PLA2G5: variants seen among roughly 807,000 people sequenced by gnomAD.
PLA2G5 encodes the protein phospholipase A2 group V.
A neutral mutation model predicts 15.9 loss-of-function variants in PLA2G5; 12 were observed. The ratio of observed to expected loss-of-function variants is 0.76; its 90% CI spans 0.48 to 1.23. PLA2G5 has a LOEUF of 1.23. Among genes scored for constraint, PLA2G5 ranks in the 50% most tolerant of loss-of-function variants. The pLI, the probability that PLA2G5 is intolerant of heterozygous loss-of-function variation, is 0.00. For missense variants in PLA2G5, 169 were observed against 177.1 expected, an observed-to-expected ratio of 0.95 and a Z score of 0.26; for synonymous variants, 71 against 71.4, an observed-to-expected ratio of 0.99 and a Z score of 0.03.
chr1:20,038,121 CAT>C (rs2013373802), intron 1 of PLA2G5, among the ~76,000 whole-genome samples: 1 of 152,178 alleles, frequency 6.6e-6, no homozygotes, highest in African/African-American at 2.4e-5. Flanking sequence ...GCACTGAGTT[CAT>C]ATCCAGGCAG....
rs561201258 is a variant in PLA2G5 at position 20,061,631 on chromosome 1, C to A, written n.337+1939C>A. ...AAAAATCTAAGCACTATTATGAAAG[C>A]AGATTTCTCCTTTGTGCTTGAAATA... On this transcript the variant is annotated intron_variant and non_coding_transcript_variant, in intron 2 of 6. Coordinates refer to the PLA2G5 transcript ENST00000460175. 2.7e-5 allele frequency among the ~76,000 whole-genome samples: 4 copies of A among 149,608 alleles called. No homozygotes were observed. The South Asian group carries it at 8.7e-4, about 32-fold the overall frequency.
rs1043874830 is a variant in PLA2G5 at position 20,079,970 on chromosome 1, C to T, written c.-10-4851C>T. 3.9e-5 allele frequency among the ~76,000 whole-genome samples: 6 copies of T among 152,102 alleles called. No individual in the cohort carries two copies. In the East Asian group the frequency reaches 5.8e-4, roughly 15 times the overall value. ...AGGCATCTCCCGAGTCACCCCAGCT[C>T]AGGAACAAGGCAGAAAAAGTTGGGG... On this transcript the variant is annotated intron_variant, in intron 1 of 4. Transcript: ENST00000375108.
At chr1:20,069,058 C>G (rs763465128), upstream of PLA2G5, 39 of 576,450 alleles carry the variant, frequency 6.8e-5, no homozygotes, top group African/African-American at 6.9e-4. Context: ...CTCAGTTGCA[C>G]CAACAGCTAG....
chr1:20,068,451 G>GT (rs5772880), upstream of PLA2G5, among the ~76,000 whole-genome samples: 7,422 of 133,556 alleles, frequency 0.056, 237 homozygotes, highest in Middle Eastern at 0.12. Context: ...AAAAGTGGTA[G>GT]TTTTTTTTTT....
Position 20,090,745 on chromosome 1 carries a change from A to G in PLA2G5, c.*53A>G. 1 of 1,586,390 alleles carries G rather than the reference A, an allele frequency of 6.3e-7. No homozygotes were observed. The highest frequency in any genetic ancestry group is 2.2e-5 in the East Asian group (1 of 44,710). ...AAGACTTTTGTTCTGTTTTTCTACA[A>G]CACAGAGTACTGACTCTGCCTGGTT... is the stretch of plus-strand genomic sequence containing the variant. On this transcript the variant is annotated 3_prime_UTR_variant, in exon 5 of 5. Transcript: ENST00000375108.
At chr1:20,056,266 G>C (rs2014428840) in intron 1 of PLA2G5, among the ~76,000 whole-genome samples, 1 of 151,726 alleles carries the variant, frequency 6.6e-6, no homozygotes, top group Non-Finnish European at 1.5e-5. Context: ...GATCCACTCA[G>C]AGTGTGGCAG....
intron 1 of PLA2G5, among the ~76,000 whole-genome samples, chr1:20,056,437 T>C (rs1178762831): frequency 6.6e-6 from 1 of 152,192 alleles, no homozygotes; most frequent in Admixed American, 6.5e-5. Context: ...AATGCTGGAC[T>C]TTGTAAAATG....
intron 1 of PLA2G5, chr1:20,070,915 C>T (rs965122041): frequency 2.0e-5 from 3 of 152,134 alleles, no homozygotes; most frequent in East Asian, 1.9e-4. Context: ...CCAGACACTT[C>T]GGTACACACA....
intron 1 of PLA2G5, among the ~76,000 whole-genome samples, chr1:20,048,017 GA>G (rs1393215094): frequency 3.9e-5 from 6 of 152,074 alleles, no homozygotes; most frequent in Non-Finnish European, 8.8e-5. Flanking sequence ...GTCTGAGAGG[GA>G]AAAAAGAGGT....
At chr1:20,083,559 A>C (rs2016137745) in intron 1 of PLA2G5, among the ~76,000 whole-genome samples, 1 of 151,890 alleles carries the variant, frequency 6.6e-6, no homozygotes, top group Non-Finnish European at 1.5e-5. Context: ...GAGAAGCCAA[A>C]TTAGAATCAG....
intron 3 of PLA2G5, among the ~76,000 whole-genome samples, chr1:20,087,531 C>G (rs917025121): frequency 6.6e-6 from 1 of 151,764 alleles, no homozygotes; most frequent in Admixed American, 6.6e-5. Context: ...GTAGCATATA[C>G]GTTTTTTTTT....
chr1:20,035,790 TA>T (rs2013212666), intron 1 of PLA2G5, among the ~76,000 whole-genome samples: 1 of 152,316 alleles, frequency 6.6e-6, no homozygotes, highest in South Asian at 2.1e-4. Context: ...ACCTTGTTTT[TA>T]TTTTGTTTTT....
At chr1:20,033,244 G>C (rs2013062537) in intron 1 of PLA2G5, among the ~76,000 whole-genome samples, 2 of 152,186 alleles carry the variant, frequency 1.3e-5, no homozygotes, top group African/African-American at 4.8e-5. Flanking sequence ...CTCCCTAAAA[G>C]AGCTTCCGTT....
chr1:20,053,570 C>CCGGG (rs2014279008), intron 1 of PLA2G5, among the ~76,000 whole-genome samples: 1 of 98,164 alleles, frequency 1.0e-5, no homozygotes, highest in African/African-American at 4.8e-5. Context: ...TATTACTTTG[C>CCGGG]GGGGGGGGGG....
intron 3 of PLA2G5, among the ~76,000 whole-genome samples, chr1:20,088,247 C>T (rs1419403898): frequency 6.6e-6 from 1 of 150,446 alleles, no homozygotes; most frequent in Non-Finnish European, 1.5e-5. Flanking sequence ...ATCCCAGCTA[C>T]TCAGGAGGCT....
At chr1:20,070,026 G>A (rs1013395832), upstream of PLA2G5, among the ~76,000 whole-genome samples, 1 of 152,150 alleles carries the variant, frequency 6.6e-6, no homozygotes, top group Non-Finnish European at 1.5e-5. Flanking sequence ...GGGTTACTTC[G>A]GGCTGAGGGG....
At chr1:20,079,541 T>C (rs1244532317) in intron 1 of PLA2G5, among the ~76,000 whole-genome samples, 7 of 152,202 alleles carry the variant, frequency 4.6e-5, no homozygotes, top group Non-Finnish European at 8.8e-5. Flanking sequence ...GACAGGGGCT[T>C]GCTTTGTTGC....
intron 1 of PLA2G5, chr1:20,070,874 T>A (rs2100532728): frequency 6.6e-6 from 1 of 152,320 alleles, no homozygotes; most frequent in South Asian, 2.1e-4. Context: ...CTATTTAACA[T>A]CCCTTAATTG....
intron 1 of PLA2G5, among the ~76,000 whole-genome samples, chr1:20,040,194 TA>T (rs2013515398): frequency 1.3e-5 from 2 of 152,226 alleles, no homozygotes; most frequent in African/African-American, 4.8e-5. Context: ...ATAGTAAAGC[TA>T]TACTATATGT....
Sources: gnomAD v4.1 joint callset for allele counts (sites outside exome capture counted in the v4.1 genomes callset) on GRCh38, gnomAD v4.1.1 for gene constraint, MANE v1.5 for transcripts, NCBI Gene and HGNC (gene_info 2026-07-23, HGNC 2026-07-21) for gene names.